The following TSPAN1 variants were observed in gnomAD, a reference collection of about 807,000 sequenced individuals.
The protein encoded by TSPAN1 is tetraspanin 1, also known as tetraspanin-1.
TSPAN1 carries 23 observed loss-of-function variants against 26.9 expected under a neutral mutation model. The ratio of observed to expected loss-of-function variants is 0.85; its 90% CI spans 0.62 to 1.21. The LOEUF (loss-of-function observed/expected upper bound fraction) is 1.21. Among genes scored for constraint, TSPAN1 ranks in the 50% most tolerant of loss-of-function variants. The pLI, the probability that TSPAN1 is intolerant of heterozygous loss-of-function variation, is 0.00. For missense variants in TSPAN1, 283 were observed against 298.4 expected (o/e 0.95, Z 0.38); for synonymous variants, 115 against 114.8 (o/e 1.00, Z -0.01).
downstream of TSPAN1, chr1:46,189,163 G>A (rs2148160640): frequency 2.0e-6 from 3 of 1,513,524 alleles, no homozygotes; most frequent in South Asian, 4.1e-5. Flanking sequence ...TAAAAACAAG[G>A]TAGCCCCAGC....
rs894142584 is a variant in TSPAN1, at chr1:46,180,663, T to C, written c.-9+5T>C. 5.0e-5 allele frequency: 8 copies of C among 161,514 alleles called. No individual in the cohort carries two copies. Among genetic ancestry groups the C allele is most frequent in the African/African-American group, 1.9e-4 (8 of 41,594 alleles). 10.0% of individuals were successfully genotyped at this position (161,514 alleles called of 1,614,324 possible). The stretch of plus-strand genomic sequence containing the variant: ...ACTGCCAAGAGCCCTGAACAGGTAA[T>C]GGGATAGGGATACAGATTATCCTGT... On this transcript the variant is annotated splice_donor_5th_base_variant and intron_variant, in intron 2 of 8. Transcript: ENST00000372003.
intron 1 of TSPAN1, chr1:46,176,166 C>T (rs1049728312): frequency 2.4e-5 from 37 of 1,523,024 alleles, no homozygotes; most frequent in East Asian, 4.9e-5. Context: ...TGAGCCACCG[C>T]ACCCAGCCTA....
At position 46,184,631 on chromosome 1, in the gene TSPAN1, T is replaced by C; in HGVS notation, c.302T>C (p.Val101Ala). The C allele has an allele frequency of 1.2e-6, 2 of 1,614,154 alleles. No individual in the cohort carries two copies. The highest frequency in any genetic ancestry group is 1.7e-6 in the Non-Finnish European group (2 of 1,180,042). ...CTCCTCCTCATCTTCATTGCTGAGGTTGCAGCTGCTGTGGTCGCCTTGGTG... is the reference window on the plus strand; with the variant it reads ...CTCCTCCTCATCTTCATTGCTGAGGCTGCAGCTGCTGTGGTCGCCTTGGTG... ...FILLLIFIAEVAAAVVALVYT... is the reference protein window; with the variant it reads ...FILLLIFIAEAAAAVVALVYT... Residue 101 changes from valine (V) to alanine (A), a missense_variant, in exon 5 of 9, where the codon GTT becomes GCT. Coordinates refer to ENST00000372003, the MANE Select transcript of TSPAN1 (RefSeq NM_005727.4).
rs375438828 is a variant in TSPAN1 at position 46,184,414 on chromosome 1, T to A, written c.264+17T>A. The A allele has an allele frequency of 3.7e-6, 6 of 1,613,908 alleles. No individual in the cohort carries two copies. Among genetic ancestry groups the A allele is most frequent in the Non-Finnish European group, 5.1e-6 (6 of 1,179,926 alleles). The stretch of plus-strand genomic sequence containing the variant: ...CTCGTGACGGTGTGTGAAACCCAGC[T>A]CCACAGGCTGATGACCAAGAGTCCC... On this transcript the variant is annotated intron_variant, in intron 4 of 8. Coordinates refer to ENST00000372003, the MANE Select transcript of TSPAN1 (RefSeq NM_005727.4).
At chr1:46,190,910 CCCA>C (rs1571650969), downstream of TSPAN1, 1 of 877,822 alleles carries the variant, frequency 1.1e-6, no homozygotes, top group East Asian at 2.6e-5. Context: ...CCTCTAATTT[CCCA>C]CCGTCTTCTC....
the TSPAN1 span, chr1:46,192,424 T>C: frequency 1.2e-6 from 2 of 1,614,088 alleles, no homozygotes; most frequent in Non-Finnish European, 1.7e-6. Context: ...TCCTCAGCCG[T>C]GTGTTCATAC....
At chr1:46,189,376 A>G (rs1226414977), downstream of TSPAN1, 4 of 1,613,898 alleles carry the variant, frequency 2.5e-6, no homozygotes, top group Non-Finnish European at 3.4e-6. Context: ...ATAATACAAG[A>G]ATGTATAGAG....
the TSPAN1 span, chr1:46,191,157 A>G: frequency 2.9e-6 from 1 of 342,426 alleles, no homozygotes; most frequent in Non-Finnish European, 5.7e-6. Context: ...GGAAGGAAAA[A>G]ACTACTTTGA....
chr1:46,190,694 C>A (rs2275711), downstream of TSPAN1: 24 of 1,599,266 alleles, frequency 1.5e-5, no homozygotes, highest in Non-Finnish European at 2.0e-5. Context: ...TAGATATCCA[C>A]CCCTTGCCCT....
chr1:46,181,235 C>A, intron 3 of TSPAN1, 71 bp downstream of exon 3: 3 of 1,475,402 alleles, frequency 2.0e-6, no homozygotes, highest in Non-Finnish European at 2.8e-6. Flanking sequence ...AGAGACTAAG[C>A]TGGGGAATGG....
rs138700033 is a variant in TSPAN1 at position 46,184,262 on chromosome 1, C to T, written c.129C>T (p.Phe43=). The change falls in exon 4 of 9, where the codon TTC becomes TTT. Residue 43 remains phenylalanine, a synonymous_variant. Coordinates refer to ENST00000372003, the MANE Select transcript of TSPAN1 (RefSeq NM_005727.4). ...SIDGASFLKI[F]GPLSSSAMQF... ...ATGGGGCATCCTTTCTGAAGATCTT[C>T]GGGCCACTGTCGTCCAGTGCCATGC... The T allele has an allele frequency of 8.1e-6, 13 of 1,614,064 alleles. No individual in the cohort carries two copies. Among genetic ancestry groups the T allele is most frequent in the Middle Eastern group, 1.6e-4 (1 of 6,084 alleles).
At chr1:46,176,238 GA>G (rs1157090628) in intron 1 of TSPAN1, 1 of 1,535,530 alleles carries the variant, frequency 6.5e-7, no homozygotes, top group Non-Finnish European at 8.7e-7. Flanking sequence ...CTTGAGGTGG[GA>G]AGATCCACAC....
At chr1:46,191,766 C>T in the TSPAN1 span, 1 of 355,260 alleles carries the variant, frequency 2.8e-6, no homozygotes, top group Non-Finnish European at 5.5e-6. Flanking sequence ...TCCCAAGTAG[C>T]TGGGACTACA....
At chr1:46,189,099 G>A (rs978902686), downstream of TSPAN1, 22 of 1,500,898 alleles carry the variant, frequency 1.5e-5, no homozygotes, top group Middle Eastern at 4.1e-4. Context: ...ACTCAGGAAC[G>A]GGGTGTTGGA....
At chr1:46,189,996 T>A, downstream of TSPAN1, 1 of 1,613,648 alleles carries the variant, frequency 6.2e-7, no homozygotes, top group Non-Finnish European at 8.5e-7. Flanking sequence ...CTCACTGCAG[T>A]AGAGGGTGGG....
the TSPAN1 span, chr1:46,194,931 C>G: frequency 2.5e-6 from 4 of 1,614,048 alleles, no homozygotes; most frequent in African/African-American, 5.3e-5. Flanking sequence ...AGAGCCTTGG[C>G]TGTGTCCTTG....
the TSPAN1 span, chr1:46,192,841 CACTG>C: frequency 6.2e-7 from 1 of 1,610,518 alleles, no homozygotes; most frequent in Non-Finnish European, 8.5e-7. Flanking sequence ...TAGGACACCT[CACTG>C]ACTCTTTCCC....
At chr1:46,196,093 G>C in the TSPAN1 span, 1 of 1,613,858 alleles carries the variant, frequency 6.2e-7, no homozygotes, top group Non-Finnish European at 8.5e-7. The surrounding 1 kb of genome is among the most constrained non-coding windows in gnomAD (Gnocchi z 4.4). Flanking sequence ...CAGTGGCAGA[G>C]ACAAAGTCCA....
downstream of TSPAN1, among the ~76,000 whole-genome samples, chr1:46,186,664 GTTTTT>G (rs759573351): frequency 1.3e-4 from 9 of 71,828 alleles, no homozygotes; most frequent in African/African-American, 5.2e-4. Context: ...TAATTTTTGT[GTTTTT>G]TTTTTTTTTT....
Sources: allele counts gnomAD v4.1 joint callset (sites outside exome capture counted in the v4.1 genomes callset), GRCh38; gene constraint gnomAD v4.1.1; non-coding constraint Gnocchi (gnomAD v3.1); transcripts MANE v1.5; gene names NCBI Gene and HGNC (gene_info 2026-07-23, HGNC 2026-07-21).